Variants in PTGIS observed in about 807,000 individuals in gnomAD.
PTGIS encodes prostacyclin synthase.
A neutral mutation model predicts 50.3 loss-of-function variants in PTGIS; 45 were observed. The ratio of observed to expected loss-of-function variants is 0.90; its 90% CI spans 0.70 to 1.15. PTGIS has a LOEUF of 1.15. Among genes scored for constraint, PTGIS ranks in the 50% most tolerant of loss-of-function variants. The pLI is 0.00. For missense variants in PTGIS, 668 were observed against 661.3 expected, an observed-to-expected ratio of 1.01 and a Z score of -0.11; for synonymous variants, 260 against 267.7, an observed-to-expected ratio of 0.97 and a Z score of 0.28.
chr20:49,541,444 T>C (rs1413127791), intron 4 of PTGIS, among the ~76,000 whole-genome samples: 1 of 152,006 alleles, frequency 6.6e-6, no homozygotes, highest in Non-Finnish European at 1.5e-5. Flanking sequence ...ACCAAAAAAG[T>C]AAACCGGCCG....
At chr20:49,523,540 A>T (rs1981710577) in intron 6 of PTGIS, among the ~76,000 whole-genome samples, 1 of 152,126 alleles carries the variant, frequency 6.6e-6, no homozygotes. Context: ...TCACACTGTA[A>T]TCCCAGCACT....
chr20:49,525,193 C>T (rs1756625439), intron 5 of PTGIS, among the ~76,000 whole-genome samples: 1 of 152,232 alleles, frequency 6.6e-6, no homozygotes, highest in Admixed American at 6.5e-5. Flanking sequence ...AGAAAGGGGC[C>T]ATGGCACTTA....
intron 1 of PTGIS, among the ~76,000 whole-genome samples, chr20:49,555,872 T>C (rs913065424): frequency 9.2e-5 from 14 of 152,194 alleles, no homozygotes; most frequent in Admixed American, 7.2e-4. Flanking sequence ...ACCTTAGAGA[T>C]TGTGCCATTG....
intron 1 of PTGIS, among the ~76,000 whole-genome samples, chr20:49,551,877 G>T (rs138323199): frequency 6.7e-6 from 1 of 149,256 alleles, no homozygotes; most frequent in East Asian, 2.0e-4. Flanking sequence ...TCTCTCCTAG[G>T]TTCTTGTTTT....
chr20:49,548,343 A>G (rs961126078), intron 2 of PTGIS, among the ~76,000 whole-genome samples: 18 of 152,226 alleles, frequency 1.2e-4, no homozygotes, highest in Non-Finnish European at 2.1e-4. Context: ...CTCACTCTTA[A>G]GCACCTGCCA....
At chr20:49,513,388 G>T in intron 7 of PTGIS, 127 bp from the exon 8 acceptor site, 1 of 1,052,046 alleles carries the variant, frequency 9.5e-7, no homozygotes, top group Non-Finnish European at 1.4e-6. Context: ...CGCCCACACA[G>T]TCACATAGCA....
chr20:49,523,875 A>G (rs762388780), intron 6 of PTGIS, among the ~76,000 whole-genome samples, 183 bp downstream of exon 6: 3 of 152,236 alleles, frequency 2.0e-5, no homozygotes, highest in Non-Finnish European at 2.9e-5. Context: ...GGCAGTGGGT[A>G]TGTGTGCACA....
At position 49,558,022 on chromosome 20, in the gene PTGIS, T is replaced by C. The variant is rs544568042; in HGVS notation, c.75-7833A>G. Among the ~76,000 whole-genome samples, 38 of 152,288 alleles carry C rather than the reference T, an allele frequency of 2.5e-4. 1 individual carries two copies. Among genetic ancestry groups the C allele is most frequent in the Admixed American group, 6.5e-4 (10 of 15,298 alleles). Reference sequence around the variant, plus strand: ...AAACATCTAAATTGATTGAGACCTGTCTCAGACACTTTTTGGTTTACAGGT... The same window carrying C: ...AAACATCTAAATTGATTGAGACCTGCCTCAGACACTTTTTGGTTTACAGGT... On this transcript the variant is annotated intron_variant, in intron 1 of 9. Transcript: ENST00000244043.
intron 5 of PTGIS, among the ~76,000 whole-genome samples, chr20:49,525,560 A>G (rs1981771854): frequency 6.6e-6 from 1 of 152,002 alleles, no homozygotes; most frequent in Admixed American, 6.6e-5. Flanking sequence ...GACACTATTT[A>G]GATATTGTTT....
At position 49,507,707 on chromosome 20, in the gene PTGIS, G is replaced by T; in HGVS notation, c.*213C>A. 1.5e-6 allele frequency: 1 copy of T among 654,230 alleles called. No individual in the cohort carries two copies. Among genetic ancestry groups the T allele is most frequent in the Non-Finnish European group, 2.6e-6 (1 of 385,146 alleles). The allele number at this position is 654,230 out of a possible 1,614,324, so 40.5% of individuals were successfully genotyped here. A position where few individuals can be genotyped will look rare whatever the true frequency, so the allele number is the denominator to read the frequency against. On this transcript the variant is annotated 3_prime_UTR_variant, in exon 10 of 10. Coordinates refer to ENST00000244043, the MANE Select transcript of PTGIS (RefSeq NM_000961.4). ...AGCCTGATTTTGGAAAGAAAACTTTGCAGTGGATAATCCATAGAGCTTTCA... is the reference window on the plus strand; with the variant it reads ...AGCCTGATTTTGGAAAGAAAACTTTTCAGTGGATAATCCATAGAGCTTTCA...
rs1460556332 is a variant in PTGIS at position 49,514,410 on chromosome 20, G to GC, written c.856-16dup. On this transcript the variant is annotated splice_polypyrimidine_tract_variant and intron_variant, in intron 6 of 9. Transcript: ENST00000244043. Reference sequence around the variant, plus strand: ...CCCATATTCCCCTGCAAGGAGAAGGGCCCCTGTTATGCCATTATGAGGGCA... The same window carrying GC: ...CCCATATTCCCCTGCAAGGAGAAGGGCCCCCTGTTATGCCATTATGAGGGCA... 1.9e-6 allele frequency: 3 copies of GC among 1,612,356 alleles called. No individual in the cohort carries two copies. The highest frequency in any genetic ancestry group is 1.7e-6 in the Non-Finnish European group (2 of 1,179,826).
rs1035437519 is a variant in PTGIS, at chr20:49,513,019, T to C, written c.1206+61A>G. The C allele has an allele frequency of 3.1e-6, 5 of 1,600,004 alleles. No homozygotes were observed. The African/African-American group carries it at 5.4e-5, about 17-fold the overall frequency. On this transcript the variant is annotated intron_variant, in intron 8 of 9. Transcript: ENST00000244043. ...CAGGCTGCCACTCAGATCTGGCTCA[T>C]CCCAAAGTCACTGATTGTTCTCCCA... is the stretch of plus-strand genomic sequence containing the variant.
intron 1 of PTGIS, among the ~76,000 whole-genome samples, chr20:49,556,849 T>C (rs1982632162): frequency 6.6e-6 from 1 of 152,160 alleles, no homozygotes; most frequent in Non-Finnish European, 1.5e-5. Flanking sequence ...TCCAAAAGAA[T>C]GTTTTCAATG....
intron 5 of PTGIS, among the ~76,000 whole-genome samples, chr20:49,525,352 C>CT (rs1981768067): frequency 6.6e-6 from 1 of 152,224 alleles, no homozygotes. Context: ...TTTTTAATCA[C>CT]TGTGCAGACC....
At chr20:49,561,520 T>C (rs1157559674) in intron 1 of PTGIS, among the ~76,000 whole-genome samples, 1 of 152,182 alleles carries the variant, frequency 6.6e-6, no homozygotes, top group Non-Finnish European at 1.5e-5. Context: ...CCAAGTAGCC[T>C]TGGAATAACT....
In PTGIS at chr20:49,510,844, G is replaced by A. The variant is rs139311027; in HGVS notation, c.1358+184C>T. Among the ~76,000 whole-genome samples the A allele has an allele frequency of 2.1e-3, 312 of 152,192 alleles. 2 individuals carry two copies. The highest frequency in any genetic ancestry group is 7.0e-3 in the African/African-American group (290 of 41,528). On this transcript the variant is annotated intron_variant, in intron 9 of 9. Coordinates refer to ENST00000244043, the MANE Select transcript of PTGIS (RefSeq NM_000961.4). ...AATCCGAAATCTGGCTTTTTTACAC[G>A]AGCTCTTCTGATTTATAAAAGCACA...
intron 1 of PTGIS, among the ~76,000 whole-genome samples, chr20:49,553,958 T>C (rs1982568947): frequency 6.6e-6 from 1 of 152,206 alleles, no homozygotes; most frequent in African/African-American, 2.4e-5. Context: ...ACAAGTTGAC[T>C]ATAATTAAAA....
chr20:49,522,806 C>T (rs999468827), intron 6 of PTGIS, among the ~76,000 whole-genome samples: 3 of 152,086 alleles, frequency 2.0e-5, no homozygotes, highest in African/African-American at 4.8e-5. Context: ...TGGTGGATCA[C>T]GAGGTTAAAA....
intron 1 of PTGIS, among the ~76,000 whole-genome samples, chr20:49,553,195 A>G (rs549178553): frequency 6.8e-4 from 104 of 152,258 alleles, no homozygotes; most frequent in African/African-American, 2.4e-3. Flanking sequence ...AGATATTATA[A>G]GGTGACAAAA....
Sources: gnomAD v4.1 joint callset for allele counts (sites outside exome capture counted in the v4.1 genomes callset) on GRCh38, gnomAD v4.1.1 for gene constraint, MANE v1.5 for transcripts, NCBI Gene and HGNC (gene_info 2026-07-23, HGNC 2026-07-21) for gene names.